The following PRTFDC1 variants were observed in gnomAD, a reference collection of about 807,000 sequenced individuals.
The protein encoded by PRTFDC1 is phosphoribosyl transferase domain containing 1.
In PRTFDC1, 38 loss-of-function variants were observed where a neutral mutation model predicts 34.6. That is an observed-to-expected ratio of 1.10 (90% CI 0.85 to 1.44). The LOEUF is 1.44. Among genes scored for constraint, PRTFDC1 ranks in the 40% most tolerant of loss-of-function variants. The probability of loss-of-function intolerance (pLI) is 0.00; values close to 1 mark genes in which losing one functional copy is unlikely to be tolerated. For missense variants in PRTFDC1, 270 were observed against 283.0 expected (o/e 0.95, Z 0.33); for synonymous variants, 93 against 98.1 (o/e 0.95, Z 0.31).
intron 3 of PRTFDC1, among the ~76,000 whole-genome samples, chr10:24,874,796 C>G (rs908638395): frequency 3.3e-5 from 5 of 152,140 alleles, no homozygotes; most frequent in Non-Finnish European, 1.5e-5. Flanking sequence ...TGTGTCCCCA[C>G]CAAATCTCAT....
chr10:24,864,009 G>A (rs1472965896), intron 4 of PRTFDC1, among the ~76,000 whole-genome samples: 5 of 81,468 alleles, frequency 6.1e-5, no homozygotes, highest in South Asian at 5.4e-4. Flanking sequence ...GCAACAACTC[G>A]TCTCAAAAAA....
chr10:24,911,830 G>A (rs189101172), intron 3 of PRTFDC1, among the ~76,000 whole-genome samples: 7 of 152,032 alleles, frequency 4.6e-5, no homozygotes, highest in African/African-American at 1.2e-4. Flanking sequence ...TCACGTCACC[G>A]CACTCCAGCC....
At chr10:24,883,114 AAT>A (rs1848107717) in intron 3 of PRTFDC1, among the ~76,000 whole-genome samples, 2 of 148,318 alleles carry the variant, frequency 1.3e-5, no homozygotes, top group Non-Finnish European at 3.0e-5. Context: ...AATGTATTAT[AAT>A]TATAAATAAT....
At chr10:24,872,758 G>A (rs756861965) in intron 3 of PRTFDC1, among the ~76,000 whole-genome samples, 7 of 127,140 alleles carry the variant, frequency 5.5e-5, no homozygotes, top group African/African-American at 8.6e-5. Flanking sequence ...ATGTGCACAC[G>A]TGTGTGTGTA....
intron 3 of PRTFDC1, among the ~76,000 whole-genome samples, chr10:24,892,562 C>T (rs1848282908): frequency 6.6e-6 from 1 of 151,962 alleles, no homozygotes; most frequent in African/African-American, 2.4e-5. Flanking sequence ...TTCATAGAAA[C>T]AGAAAAAATA....
chr10:24,861,150 A>G (rs1565257779), intron 4 of PRTFDC1, among the ~76,000 whole-genome samples: 1 of 152,208 alleles, frequency 6.6e-6, no homozygotes, highest in Non-Finnish European at 1.5e-5. Context: ...ATATTGAAAG[A>G]CACTGTCAAA....
rs541121995 is a variant in PRTFDC1 at position 24,878,142 on chromosome 10, G to A, written c.340-6079C>T. On this transcript the variant is annotated intron_variant, in intron 3 of 8. Transcript: ENST00000320152. ...ACAAAAAGTAGCCTGGCGTGGTGGCGAGTGCCTGCAATTCCAGCTACTCAG... is the reference window on the plus strand; with the variant it reads ...ACAAAAAGTAGCCTGGCGTGGTGGCAAGTGCCTGCAATTCCAGCTACTCAG... Among the ~76,000 whole-genome samples the A allele has an allele frequency of 2.5e-4, 38 of 152,070 alleles. No homozygotes were observed. The East Asian group carries it at 2.5e-3, about 10-fold the overall frequency.
chr10:24,877,881 A>G (rs534416374), intron 3 of PRTFDC1, among the ~76,000 whole-genome samples: 34 of 152,116 alleles, frequency 2.2e-4, no homozygotes, highest in African/African-American at 8.2e-4. Context: ...TCAGCCTCCC[A>G]AAGTGCTGGG....
chr10:24,866,505 C>T (rs956225225), intron 4 of PRTFDC1, among the ~76,000 whole-genome samples: 6 of 151,850 alleles, frequency 4.0e-5, no homozygotes, highest in African/African-American at 1.5e-4. Context: ...TGTTTTATTC[C>T]ACCCTTTCAG....
chr10:24,849,804 A>G lies in PRTFDC1; in HGVS notation c.*40T>C, dbSNP rs762769763. Reference sequence around the variant, plus strand: ...TGGCTTCCCAAGTACAGGCGTAAATATGATGCTATCTGGGACTTTAGTGGT... The same window carrying G: ...TGGCTTCCCAAGTACAGGCGTAAATGTGATGCTATCTGGGACTTTAGTGGT... On this transcript the variant is annotated 3_prime_UTR_variant, in exon 9 of 9. Transcript: ENST00000320152. 2.5e-6 allele frequency: 4 copies of G among 1,602,932 alleles called. No homozygotes were observed. In the South Asian group the frequency reaches 4.4e-5, roughly 18 times the overall value.
rs529088563 is a variant in PRTFDC1 at position 24,895,949 on chromosome 10, C to T, written c.340-23886G>A. Among the ~76,000 whole-genome samples the T allele has an allele frequency of 9.9e-5, 15 of 152,008 alleles. No individual in the cohort carries two copies. In the South Asian group the frequency reaches 2.7e-3, roughly 27 times the overall value. ...ATCTAAAAACAAAATAAAACTAGTT[C>T]CCCCCCTTCTTTCTTTCACTGCACT... is the stretch of plus-strand genomic sequence containing the variant. On this transcript the variant is annotated intron_variant, in intron 3 of 8. Transcript: ENST00000320152.
At chr10:24,859,160 G>A (rs983278112) in intron 4 of PRTFDC1, among the ~76,000 whole-genome samples, 1 of 151,820 alleles carries the variant, frequency 6.6e-6, no homozygotes, top group African/African-American at 2.4e-5. Flanking sequence ...GCCCCTTGGT[G>A]GTGTTGTATC....
chr10:24,894,914 G>T (rs1238302502), intron 3 of PRTFDC1, among the ~76,000 whole-genome samples: 1 of 152,248 alleles, frequency 6.6e-6, no homozygotes, highest in East Asian at 1.9e-4. Context: ...ACCACTGTCT[G>T]GCCCCACCCG....
intron 1 of PRTFDC1, among the ~76,000 whole-genome samples, chr10:24,948,949 C>T (rs1452497673): frequency 6.6e-6 from 1 of 152,184 alleles, no homozygotes; most frequent in Admixed American, 6.5e-5. Flanking sequence ...GGTTCAAATC[C>T]CGCTTCTGCC....
intron 7 of PRTFDC1, among the ~76,000 whole-genome samples, chr10:24,854,617 C>G (rs180957933): frequency 6.6e-6 from 1 of 151,984 alleles, no homozygotes; most frequent in South Asian, 2.1e-4. Context: ...AATTAGGCTG[C>G]GTGTTTATCC....
chr10:24,871,786 G>A (rs1289157433), intron 4 of PRTFDC1, among the ~76,000 whole-genome samples: 1 of 152,156 alleles, frequency 6.6e-6, no homozygotes, highest in African/African-American at 2.4e-5. Flanking sequence ...AGGAAGCTCG[G>A]AGAAGAAAGA....
chr10:24,949,346 G>A (rs1439963317), intron 1 of PRTFDC1, among the ~76,000 whole-genome samples: 2 of 152,144 alleles, frequency 1.3e-5, no homozygotes, highest in Admixed American at 6.5e-5. Flanking sequence ...GCCTCCCAAA[G>A]TGCTGGGATT....
At chr10:24,870,986 C>A (rs555377956) in intron 4 of PRTFDC1, among the ~76,000 whole-genome samples, 2 of 144,262 alleles carry the variant, frequency 1.4e-5, no homozygotes, top group Admixed American at 1.4e-4. Flanking sequence ...GCAGGGGAAT[C>A]ATTTGAAACC....
chr10:24,882,497 G>T (rs1323212126), intron 3 of PRTFDC1, among the ~76,000 whole-genome samples: 1 of 152,116 alleles, frequency 6.6e-6, no homozygotes, highest in Non-Finnish European at 1.5e-5. Flanking sequence ...TTGTAAGCGC[G>T]CATGTTAGCT....
Sources: allele counts gnomAD v4.1 joint callset (sites outside exome capture counted in the v4.1 genomes callset), GRCh38; gene constraint gnomAD v4.1.1; transcripts MANE v1.5; gene names NCBI Gene and HGNC (gene_info 2026-07-23, HGNC 2026-07-21).